GABPB2: variants seen among roughly 807,000 people sequenced by gnomAD.
The protein encoded by GABPB2 is GA-binding protein subunit beta-2.
Under a neutral mutation model 39.1 loss-of-function variants are expected in GABPB2, and 23 were observed. The ratio of observed to expected loss-of-function variants is 0.59; its 90% confidence interval spans 0.42 to 0.83. The LOEUF (loss-of-function observed/expected upper bound fraction) is 0.83, where lower values mean the gene tolerates loss of function less well. GABPB2 is among the 40% of genes least tolerant of loss of function. GABPB2 has a pLI of 0.00. For missense variants in GABPB2, 467 were observed against 541.1 expected, an observed-to-expected ratio of 0.86 and a Z score of 1.36; for synonymous variants, 184 against 199.3, an observed-to-expected ratio of 0.92 and a Z score of 0.65.
At chr1:151,092,824 T>A (rs1426720613) in intron 3 of GABPB2, among the ~76,000 whole-genome samples, 1 of 152,114 alleles carries the variant, frequency 6.6e-6, no homozygotes, top group African/African-American at 2.4e-5. Context: ...CTTTTCTAAT[T>A]TTTTAAAGGC....
chr1:151,114,799 C>G (rs1477461332), intron 7 of GABPB2, among the ~76,000 whole-genome samples: 1 of 152,134 alleles, frequency 6.6e-6, no homozygotes, highest in African/African-American at 2.4e-5. Context: ...CACCTGAGAT[C>G]AGGAGTTTGA....
chr1:151,116,411 A>AC (rs1239442535), intron 7 of GABPB2, among the ~76,000 whole-genome samples: 70 of 151,718 alleles, frequency 4.6e-4, no homozygotes, highest in Admixed American at 4.6e-4. Flanking sequence ...CAAAAAAAAA[A>AC]AAAAAACAAC....
chr1:151,110,406 A>G (rs1159285507), intron 7 of GABPB2, among the ~76,000 whole-genome samples: 1 of 152,122 alleles, frequency 6.6e-6, no homozygotes, highest in Non-Finnish European at 1.5e-5. Flanking sequence ...ATGGAAATAA[A>G]TAAATGAAAA....
At chr1:151,089,485 G>A (rs1325591819) in intron 2 of GABPB2, among the ~76,000 whole-genome samples, 4 of 152,126 alleles carry the variant, frequency 2.6e-5, no homozygotes, top group African/African-American at 9.7e-5. Flanking sequence ...ACTTATTGCT[G>A]TTGATACATC....
intron 1 of GABPB2, among the ~76,000 whole-genome samples, chr1:151,083,222 T>G (rs1677874604): frequency 1.3e-5 from 2 of 152,214 alleles, no homozygotes; most frequent in East Asian, 3.8e-4. Context: ...TATTACCACT[T>G]ATTTCATCAG....
chr1:151,109,317 T>TAC (rs1472573481), intron 7 of GABPB2, among the ~76,000 whole-genome samples: 5 of 119,506 alleles, frequency 4.2e-5, no homozygotes, highest in African/African-American at 1.5e-4. Flanking sequence ...TATATATATA[T>TAC]ACACACAAAT....
intron 2 of GABPB2, among the ~76,000 whole-genome samples, chr1:151,089,121 A>G (rs1055488695): frequency 1.3e-5 from 2 of 152,220 alleles, no homozygotes; most frequent in African/African-American, 4.8e-5. Context: ...GGTCCAAGTT[A>G]TAATGTGGGC....
chr1:151,117,273 C>A, intron 7 of GABPB2, 119 bp from the exon 8 acceptor site: 1 of 1,058,784 alleles, frequency 9.4e-7, no homozygotes, highest in Non-Finnish European at 1.4e-6. Context: ...GGACCACAGG[C>A]ACACACCACT....
chr1:151,085,333 G>A (rs934448646), intron 1 of GABPB2, among the ~76,000 whole-genome samples: 3 of 151,844 alleles, frequency 2.0e-5, no homozygotes, highest in African/African-American at 7.3e-5. Flanking sequence ...GGAAGCAGAG[G>A]TTGCAGTGAT....
At chr1:151,078,140 C>T (rs946258665) in intron 1 of GABPB2, among the ~76,000 whole-genome samples, 1 of 149,986 alleles carries the variant, frequency 6.7e-6, no homozygotes, top group Non-Finnish European at 1.5e-5. Context: ...TGTGGTGGCA[C>T]GAGCCTGTAG....
chr1:151,094,163 CA>C (rs1201272339), intron 4 of GABPB2, among the ~76,000 whole-genome samples: 1 of 149,720 alleles, frequency 6.7e-6, no homozygotes, highest in Non-Finnish European at 1.5e-5. Flanking sequence ...GGGATTCTTC[CA>C]CCTTAGCCTC....
chr1:151,092,565 T>TTTA (rs201700987), intron 3 of GABPB2, among the ~76,000 whole-genome samples: 1,538 of 149,540 alleles, frequency 0.01, 41 homozygotes, highest in African/African-American at 0.036. Context: ...AGTTTTCCAA[T>TTTA]TTATTATTAT....
chr1:151,071,635 A>C (rs1676732073), intron 1 of GABPB2, among the ~76,000 whole-genome samples: 1 of 151,674 alleles, frequency 6.6e-6, no homozygotes, highest in Non-Finnish European at 1.5e-5. Context: ...ATGCATGGCT[A>C]ATTTTTGTAT....
At chr1:151,085,408 T>C in intron 1 of GABPB2, among the ~76,000 whole-genome samples, 1 of 152,036 alleles carries the variant, frequency 6.6e-6, no homozygotes, top group East Asian at 1.9e-4. Flanking sequence ...AAAAATAAAA[T>C]AATAAAATGA....
Position 151,086,720 on chromosome 1 carries a change from T to G in GABPB2, c.1-1470T>G, listed in dbSNP as rs146527530. ...TCTGGCTCTGTTGCCCAGGCTAGAGTGCAGTGGTGCAATCTCAGCTCACTG... is the reference window on the plus strand; with the variant it reads ...TCTGGCTCTGTTGCCCAGGCTAGAGGGCAGTGGTGCAATCTCAGCTCACTG... On this transcript the variant is annotated intron_variant, in intron 1 of 8. Transcript: ENST00000368918. 9.9e-3 allele frequency among the ~76,000 whole-genome samples: 1,505 copies of G among 151,804 alleles called. 10 individuals are homozygous for G. Among genetic ancestry groups the G allele is most frequent in the Non-Finnish European group, 0.015 (1,047 of 67,968 alleles).
intron 3 of GABPB2, among the ~76,000 whole-genome samples, chr1:151,091,821 C>T (rs1056266364): frequency 1.3e-5 from 2 of 152,020 alleles, no homozygotes; most frequent in African/African-American, 4.8e-5. Context: ...ACTCTTTTGT[C>T]CTGGCTGGAG....
At chr1:151,093,491 A>G in intron 4 of GABPB2, 105 bp downstream of exon 4, 2 of 764,352 alleles carry the variant, frequency 2.6e-6, no homozygotes, top group Non-Finnish European at 4.0e-6. Context: ...TTAAAGTAGC[A>G]CTTCTAATAT....
chr1:151,113,857 A>T (rs1212559768), intron 7 of GABPB2, among the ~76,000 whole-genome samples: 4 of 152,242 alleles, frequency 2.6e-5, no homozygotes, highest in African/African-American at 9.6e-5. Context: ...AAGTGGAATC[A>T]TACAGTATAC....
chr1:151,099,009 G>A (rs956023623), intron 5 of GABPB2, among the ~76,000 whole-genome samples: 3 of 150,358 alleles, frequency 2.0e-5, no homozygotes, highest in Non-Finnish European at 4.4e-5. Context: ...GCTTGAACCT[G>A]GAAGGCGGAG....
Sources: gnomAD v4.1 joint callset for allele counts (sites outside exome capture counted in the v4.1 genomes callset) on GRCh38, gnomAD v4.1.1 for gene constraint, MANE v1.5 for transcripts, NCBI Gene and HGNC (gene_info 2026-07-23, HGNC 2026-07-21) for gene names.